PBX3: variants seen among roughly 807,000 people sequenced by gnomAD.
The protein encoded by PBX3 is pre-B-cell leukemia transcription factor 3.
Under a neutral mutation model 48.5 loss-of-function variants are expected in PBX3, and 14 were observed. The ratio of observed to expected loss-of-function variants is 0.29; its 90% CI spans 0.19 to 0.45. PBX3 has a LOEUF of 0.45. PBX3 is among the 20% of genes least tolerant of loss of function. The probability of loss-of-function intolerance (pLI) is 1.00; values close to 1 mark genes in which losing one functional copy is unlikely to be tolerated. For synonymous variants in PBX3, 210 were observed against 200.3 expected, an observed-to-expected ratio of 1.05 and a Z score of -0.41; for missense variants, 386 against 546.7, an observed-to-expected ratio of 0.71 and a Z score of 2.93.
At chr9:125,824,075 CAAAA>C (rs57963250) in intron 2 of PBX3, among the ~76,000 whole-genome samples, 90 of 107,784 alleles carry the variant, frequency 8.4e-4, no homozygotes, top group Admixed American at 2.1e-3. Flanking sequence ...GACTTTGTCT[CAAAA>C]AAAAAAAAAA....
chr9:125,915,277 C>T (rs533005868), intron 2 of PBX3, among the ~76,000 whole-genome samples: 1 of 152,082 alleles, frequency 6.6e-6, no homozygotes, highest in Admixed American at 6.5e-5. Context: ...ACAGAATAAC[C>T]ACCTTTGGAT....
intron 3 of PBX3, among the ~76,000 whole-genome samples, chr9:125,927,726 C>T (rs1462681601): frequency 2.0e-5 from 3 of 152,126 alleles, no homozygotes; most frequent in Admixed American, 6.5e-5. Flanking sequence ...CCCAGTTATA[C>T]AGATTTATAA....
chr9:125,961,589 G>C (rs1227999474), intron 6 of PBX3, among the ~76,000 whole-genome samples: 2 of 152,148 alleles, frequency 1.3e-5, no homozygotes, highest in Non-Finnish European at 2.9e-5. Flanking sequence ...AGAAAGTAGG[G>C]GGGTTTTTGT....
intron 2 of PBX3, among the ~76,000 whole-genome samples, chr9:125,886,750 T>G (rs2132369016): frequency 6.6e-6 from 1 of 152,322 alleles, no homozygotes; most frequent in African/African-American, 2.4e-5. Flanking sequence ...TTTATTCATT[T>G]TTACCACTGA....
At chr9:125,947,768 TAAG>T (rs1842096945) in intron 5 of PBX3, among the ~76,000 whole-genome samples, 1 of 152,074 alleles carries the variant, frequency 6.6e-6, no homozygotes, top group African/African-American at 2.4e-5. Context: ...ATGTGTTCTC[TAAG>T]AGACATATGT....
chr9:125,932,329 T>C (rs1207117679), intron 4 of PBX3, among the ~76,000 whole-genome samples: 1 of 152,048 alleles, frequency 6.6e-6, no homozygotes, highest in Admixed American at 6.5e-5. Flanking sequence ...TGAACACTTA[T>C]ACTATGTTTA....
intron 2 of PBX3, among the ~76,000 whole-genome samples, chr9:125,914,184 T>C (rs1184138734): frequency 6.6e-6 from 1 of 152,234 alleles, no homozygotes; most frequent in East Asian, 1.9e-4. Flanking sequence ...ACGCATTTTA[T>C]GAGTTATCTT....
intron 2 of PBX3, among the ~76,000 whole-genome samples, chr9:125,904,945 C>T (rs989727191): frequency 2.0e-5 from 3 of 151,860 alleles, no homozygotes; most frequent in South Asian, 2.1e-4. Context: ...TTTGTTAGCT[C>T]AAATCAAAGT....
intron 2 of PBX3, among the ~76,000 whole-genome samples, chr9:125,901,733 A>AAAC (rs75980456): frequency 0.058 from 8,804 of 151,756 alleles, 369 homozygotes; most frequent in Non-Finnish European, 0.092. Flanking sequence ...GAATGTTACC[A>AAAC]AACAACAACA....
At chr9:125,889,194 A>G (rs570621833) in intron 2 of PBX3, among the ~76,000 whole-genome samples, 1 of 152,350 alleles carries the variant, frequency 6.6e-6, no homozygotes, top group African/African-American at 2.4e-5. Context: ...GTTCGCCCAC[A>G]TCCCCGTGGT....
chr9:125,897,244 T>C (rs1027938850), intron 2 of PBX3, among the ~76,000 whole-genome samples: 9 of 150,236 alleles, frequency 6.0e-5, no homozygotes, highest in African/African-American at 1.5e-4. Context: ...CAGATTAGCA[T>C]TGGAATGATA....
intron 5 of PBX3, among the ~76,000 whole-genome samples, chr9:125,945,716 G>C (rs1842051630): frequency 6.6e-6 from 1 of 152,198 alleles, no homozygotes; most frequent in Non-Finnish European, 1.5e-5. Context: ...AGGAAAAGCT[G>C]TTTTGATGGA....
In PBX3 at chr9:125,912,708, A is replaced by T. The variant is rs1042242394; in HGVS notation, c.275-2978A>T. 2.0e-5 allele frequency among the ~76,000 whole-genome samples: 3 copies of T among 152,278 alleles called. No homozygotes were observed. The East Asian group carries it at 5.8e-4, about 29-fold the overall frequency. The stretch of plus-strand genomic sequence containing the variant: ...GATGTAAACCTTTATAAACCTCTGT[A>T]TGTTTCATTATACATACATTTTGGA... On this transcript the variant is annotated intron_variant, in intron 2 of 8. Coordinates refer to ENST00000373489, the MANE Select transcript of PBX3 (RefSeq NM_006195.6).
intron 3 of PBX3, among the ~76,000 whole-genome samples, chr9:125,926,515 C>T (rs1212020503): frequency 4.0e-5 from 6 of 151,134 alleles, no homozygotes; most frequent in Non-Finnish European, 8.8e-5. Context: ...ATGAAACTGT[C>T]TCAAAATAAT....
At chr9:125,852,764 T>C (rs1209511888) in intron 2 of PBX3, among the ~76,000 whole-genome samples, 1 of 152,192 alleles carries the variant, frequency 6.6e-6, no homozygotes, top group Non-Finnish European at 1.5e-5. Flanking sequence ...TTTCTGAGAA[T>C]ATTACCTTTC....
intron 5 of PBX3, among the ~76,000 whole-genome samples, chr9:125,947,584 A>C (rs1842093736): frequency 6.6e-6 from 1 of 152,166 alleles, no homozygotes; most frequent in Non-Finnish European, 1.5e-5. Context: ...TAAGCAGTCT[A>C]AAAGATGGCA....
At chr9:125,793,366 A>AAAAAATATATATATATAT (rs59271982) in intron 2 of PBX3, among the ~76,000 whole-genome samples, 2 of 101,974 alleles carry the variant, frequency 2.0e-5, no homozygotes, top group African/African-American at 8.5e-5. Flanking sequence ...GGAAAAAAAA[A>AAAAAATATATATATATAT]ATATATATAT....
intron 2 of PBX3, among the ~76,000 whole-genome samples, chr9:125,763,018 T>C (rs1399283075): frequency 2.0e-5 from 3 of 152,238 alleles, no homozygotes; most frequent in Non-Finnish European, 2.9e-5. Context: ...TAAGCCTCTT[T>C]AAACTGGACA....
intron 2 of PBX3, among the ~76,000 whole-genome samples, chr9:125,815,228 A>G (rs1434659517): frequency 6.6e-6 from 1 of 151,990 alleles, no homozygotes; most frequent in East Asian, 1.9e-4. Flanking sequence ...TTATAAAAGT[A>G]CTCTCCTTGC....
Sources: allele counts gnomAD v4.1 joint callset (sites outside exome capture counted in the v4.1 genomes callset), GRCh38; gene constraint gnomAD v4.1.1; transcripts MANE v1.5; gene names NCBI Gene and HGNC (gene_info 2026-07-23, HGNC 2026-07-21).